DCUN1D3: variants seen among roughly 807,000 people sequenced by gnomAD.
The protein encoded by DCUN1D3 is DCN1-like protein 3.
DCUN1D3 carries 6 observed loss-of-function variants against 24.8 expected under a neutral mutation model. The observed-to-expected ratio is 0.24, with a 90% CI of 0.13 to 0.48. The LOEUF (loss-of-function observed/expected upper bound fraction) is 0.48, where lower values mean the gene tolerates loss of function less well. Ranked by LOEUF, DCUN1D3 falls within the 20% of genes least tolerant of loss-of-function variation. The probability of loss-of-function intolerance (pLI) is 0.99; values close to 1 mark genes in which losing one functional copy is unlikely to be tolerated. For synonymous variants in DCUN1D3, 120 were observed against 144.9 expected (o/e 0.83, Z 1.24); for missense variants, 258 against 379.4 (o/e 0.68, Z 2.66).
At chr16:20,894,892 A>G (rs960211795) in intron 1 of DCUN1D3, among the ~76,000 whole-genome samples, 1 of 152,212 alleles carries the variant, frequency 6.6e-6, no homozygotes, top group Non-Finnish European at 1.5e-5. Context: ...ACTTCAAAGA[A>G]TAAGAGTTTG....
intron 1 of DCUN1D3, among the ~76,000 whole-genome samples, chr16:20,876,434 A>G (rs1596634463): frequency 3.5e-5 from 1 of 28,544 alleles, no homozygotes. Flanking sequence ...AATGGTTATG[A>G]AAAAAAAAAA....
At chr16:20,862,818 G>A (rs913935087) in intron 1 of DCUN1D3, among the ~76,000 whole-genome samples, 175 bp from the exon 2 acceptor site, 2 of 152,288 alleles carry the variant, frequency 1.3e-5, no homozygotes, top group Admixed American at 1.3e-4. Context: ...TCACCTTGGC[G>A]ACGCAGAGGC....
At chr16:20,898,893 A>G (rs12325670) in intron 1 of DCUN1D3, among the ~76,000 whole-genome samples, 6,002 of 152,230 alleles carry the variant, frequency 0.039, 171 homozygotes, top group Non-Finnish European at 0.06. Flanking sequence ...GTGCTCCTTG[A>G]TTTTTTTTAA....
chr16:20,865,679 C>T (rs2081758399), intron 1 of DCUN1D3, among the ~76,000 whole-genome samples: 1 of 152,166 alleles, frequency 6.6e-6, no homozygotes, highest in Non-Finnish European at 1.5e-5. Context: ...CTCTATGATC[C>T]AAACTAAAAG....
chr16:20,883,533 T>C (rs1192019207), intron 1 of DCUN1D3, among the ~76,000 whole-genome samples: 2 of 152,136 alleles, frequency 1.3e-5, no homozygotes, highest in Non-Finnish European at 2.9e-5. Flanking sequence ...ATTTTTGTTC[T>C]GTTAAACTGC....
At chr16:20,895,342 C>T (rs936592034) in intron 1 of DCUN1D3, among the ~76,000 whole-genome samples, 4 of 152,134 alleles carry the variant, frequency 2.6e-5, no homozygotes, top group African/African-American at 4.8e-5. Context: ...AGCAATCCTC[C>T]CACATAATAA....
chr16:20,888,532 C>G (rs2081877354), intron 1 of DCUN1D3, among the ~76,000 whole-genome samples: 1 of 152,212 alleles, frequency 6.6e-6, no homozygotes, highest in South Asian at 2.1e-4. Context: ...GATCACAGCT[C>G]ACTACAGCCT....
intron 1 of DCUN1D3, among the ~76,000 whole-genome samples, chr16:20,894,244 G>A (rs998634940): frequency 6.6e-6 from 1 of 152,082 alleles, no homozygotes; most frequent in African/African-American, 2.4e-5. Flanking sequence ...ATTCCAGCCT[G>A]GGCCACTGAG....
intron 1 of DCUN1D3, among the ~76,000 whole-genome samples, chr16:20,885,217 C>T (rs986563605): frequency 3.3e-5 from 5 of 152,002 alleles, no homozygotes; most frequent in Non-Finnish European, 5.9e-5. Context: ...CTCGTGATTC[C>T]GCCCGCCTCA....
In DCUN1D3 at chr16:20,859,398, A is replaced by T. The variant is rs996973491; in HGVS notation, c.*488T>A. The T allele has an allele frequency of 6.5e-6, 1 of 152,846 alleles. No individual in the cohort carries two copies. The highest frequency in any genetic ancestry group is 2.4e-5 in the African/African-American group (1 of 41,412). 9.5% of individuals were successfully genotyped at this position (152,846 alleles called of 1,614,324 possible). A position where few individuals can be genotyped will look rare whatever the true frequency, so the allele number is the denominator to read the frequency against. On this transcript the variant is annotated 3_prime_UTR_variant, in exon 3 of 3. Coordinates refer to ENST00000324344, the MANE Select transcript of DCUN1D3 (RefSeq NM_173475.4). The stretch of plus-strand genomic sequence containing the variant: ...AAAATAATTATTACAACCTAAATTC[A>T]TCTATGTAAACAGCACTACACACAG...
rs1004840322 is a variant in DCUN1D3 at position 20,859,460 on chromosome 16, G to C, written c.*426C>G. 4.1e-4 allele frequency: 65 copies of C among 157,896 alleles called. No individual in the cohort carries two copies. Among genetic ancestry groups the C allele is most frequent in the Non-Finnish European group, 1.3e-4 (10 of 76,318 alleles). The allele number at this position is 157,896 out of a possible 1,614,324, so 9.8% of individuals were successfully genotyped here. On this transcript the variant is annotated 3_prime_UTR_variant, in exon 3 of 3. Coordinates refer to ENST00000324344, the MANE Select transcript of DCUN1D3 (RefSeq NM_173475.4). The stretch of plus-strand genomic sequence containing the variant: ...CCTGAAAAACAATATGCGAAACTGA[G>C]ATCTGGCACTGTATCATTTTGTAAT...
chr16:20,860,166 A>C lies in DCUN1D3; in HGVS notation c.635T>G (p.Val212Gly). ...REIAIALWKL[V>G]FTQNNPPVLD... ...TACCGGAGGATTGTTCTGGGTAAAGACTAGTTTCCACAGGGCAATGGCTAT... is the reference window on the plus strand; with the variant it reads ...TACCGGAGGATTGTTCTGGGTAAAGCCTAGTTTCCACAGGGCAATGGCTAT... The change falls in exon 3 of 3, where the codon GTC becomes GGC. Residue 212 changes from valine to glycine, a missense_variant. Val to Gly is a moderately radical substitution (Grantham distance 109, BLOSUM62 -3). Coordinates refer to ENST00000324344, the MANE Select transcript of DCUN1D3 (RefSeq NM_173475.4). The surrounding 1 kb of genome is among the most constrained non-coding windows in gnomAD (Gnocchi z 4.3). 1 of 1,614,224 alleles carries C rather than the reference A, an allele frequency of 6.2e-7. No homozygotes were observed. Among genetic ancestry groups the C allele is most frequent in the Non-Finnish European group, 8.5e-7 (1 of 1,180,036 alleles).
chr16:20,880,639 GAAAA>G (rs1567427349), intron 1 of DCUN1D3, among the ~76,000 whole-genome samples: 1 of 101,788 alleles, frequency 9.8e-6, no homozygotes, highest in Non-Finnish European at 2.2e-5. Context: ...ACAGAAAAAA[GAAAA>G]AAGAAAAGAA....
At chr16:20,884,977 CTTT>C (rs11365673) in intron 1 of DCUN1D3, among the ~76,000 whole-genome samples, 8 of 122,766 alleles carry the variant, frequency 6.5e-5, no homozygotes, top group African/African-American at 1.0e-4. Flanking sequence ...CACCATTTTG[CTTT>C]TTTTTTTTTT....
intron 1 of DCUN1D3, among the ~76,000 whole-genome samples, chr16:20,872,392 G>C (rs984777238): frequency 6.6e-6 from 1 of 152,002 alleles, no homozygotes; most frequent in Non-Finnish European, 1.5e-5. Flanking sequence ...TAGATATGTG[G>C]TTTCGGGAGC....
chr16:20,898,342 ATATATAT>A (rs1156529922), intron 1 of DCUN1D3, among the ~76,000 whole-genome samples: 1 of 152,128 alleles, frequency 6.6e-6, no homozygotes, highest in East Asian at 1.9e-4. Flanking sequence ...GTTTACTGGG[ATATATAT>A]TATGTCTCTC....
intron 1 of DCUN1D3, among the ~76,000 whole-genome samples, chr16:20,896,548 G>A (rs1354119578): frequency 2.1e-5 from 3 of 140,824 alleles, no homozygotes; most frequent in Non-Finnish European, 4.7e-5. Context: ...CTACCCACCC[G>A]CCCCCTTTCA....
At chr16:20,878,827 C>T (rs2081828795) in intron 1 of DCUN1D3, among the ~76,000 whole-genome samples, 1 of 152,158 alleles carries the variant, frequency 6.6e-6, no homozygotes. Flanking sequence ...GGTCCTCCAT[C>T]TCTTTACAGC....
intron 1 of DCUN1D3, among the ~76,000 whole-genome samples, chr16:20,885,948 CTT>C: frequency 6.6e-6 from 1 of 151,964 alleles, no homozygotes; most frequent in African/African-American, 2.4e-5. Context: ...CAGACCCTAA[CTT>C]TACTTCTAAC....
Sources: gnomAD v4.1 joint callset for allele counts (sites outside exome capture counted in the v4.1 genomes callset) on GRCh38, gnomAD v4.1.1 for gene constraint, Gnocchi (gnomAD v3.1) non-coding constraint, MANE v1.5 for transcripts, NCBI Gene and HGNC (gene_info 2026-07-23, HGNC 2026-07-21) for gene names.